The following DUT variants were observed in gnomAD, a reference collection of about 807,000 sequenced individuals.
DUT encodes the protein deoxyuridine 5'-triphosphate nucleotidohydrolase, mitochondrial.
DUT carries 21 observed loss-of-function variants against 28.8 expected under a neutral mutation model. That is an observed-to-expected ratio of 0.73 (90% confidence interval 0.52 to 1.05). The LOEUF (loss-of-function observed/expected upper bound fraction) is 1.05, where lower values mean the gene tolerates loss of function less well. DUT is among the 50% of genes least tolerant of loss of function. The pLI, the probability that DUT is intolerant of heterozygous loss-of-function variation, is 0.00. For missense variants in DUT, 344 were observed against 351.8 expected, an observed-to-expected ratio of 0.98 and a Z score of 0.18; for synonymous variants, 147 against 143.7, an observed-to-expected ratio of 1.02 and a Z score of -0.17.
Position 48,332,303 on chromosome 15 carries a change from C to G in DUT, c.316C>G (p.Pro106Ala). The change falls in exon 2 of 7, where the codon CCT becomes GCT. Residue 106 changes from proline (P) to alanine (A), a missense_variant. Transcript: ENST00000331200. ...CATTTCACCCAGTAAGCGGGCCCGG[C>G]CTGCGGAGGTGGGCGGCATGCAGCT... ...PAISPSKRAR[P>A]AEVGGMQLRF... 1 of 1,609,008 alleles carries G rather than the reference C, an allele frequency of 6.2e-7. No homozygotes were observed. Among genetic ancestry groups the G allele is most frequent in the Non-Finnish European group, 8.5e-7 (1 of 1,178,468 alleles).
chr15:48,342,085 T>C lies in DUT; in HGVS notation c.*7T>C. 6.5e-7 allele frequency: 1 copy of C among 1,549,140 alleles called. No homozygotes were observed. Among genetic ancestry groups the C allele is most frequent in the Non-Finnish European group, 8.7e-7 (1 of 1,152,992 alleles). ...TTCCACTGGAAAGAATTAAAATTTA[T>C]GCCAAGAACAGAAAACAAGAAGTCA... On this transcript the variant is annotated 3_prime_UTR_variant, in exon 7 of 7. Coordinates refer to ENST00000331200, the MANE Select transcript of DUT (RefSeq NM_001025248.2).
rs1485488531 is a variant in DUT, at chr15:48,342,575, TCTTCC to T, written c.*502_*506del. ...AGGAGAGATTAAAGGTATTCCTTGT[TCTTCC>T]CTTCTCTTCACTAGTCTAAAAACTT... On this transcript the variant is annotated 3_prime_UTR_variant, in exon 7 of 7. Coordinates refer to ENST00000331200, the MANE Select transcript of DUT (RefSeq NM_001025248.2). 1.3e-5 allele frequency: 2 copies of T among 152,238 alleles called. No homozygotes were observed. Among genetic ancestry groups the T allele is most frequent in the South Asian group, 2.1e-4 (1 of 4,824 alleles). 9.4% of individuals were successfully genotyped at this position (152,238 alleles called of 1,614,324 possible).
At chr15:48,341,475 G>A (rs1384588675) in intron 5 of DUT, 40 bp from the exon 6 acceptor site, 1 of 1,592,700 alleles carries the variant, frequency 6.3e-7, no homozygotes. Flanking sequence ...TATGGCGAAT[G>A]TGTCAGTAAC....
At chr15:48,332,509 A>G (rs2042429723) in intron 2 of DUT, 103 bp downstream of exon 2, 1 of 1,044,534 alleles carries the variant, frequency 9.6e-7, no homozygotes, top group Non-Finnish European at 1.4e-6. Context: ...CTAGCTATAA[A>G]TAGGATTTCT....
Position 48,331,624 on chromosome 15 carries a change from G to C in DUT, c.109G>C (p.Val37Leu). Residue 37 changes from valine to leucine, a missense_variant, in exon 1 of 7, where the codon GTA (valine) becomes CTA (leucine). Val to Leu is a conservative substitution (Grantham distance 32). Transcript: ENST00000331200. ...CGCACGGCAGAGGGCCGAAGCCGCG[G>C]TACTCTCCGGGCCAGGCCCGCCCCT... is the stretch of plus-strand genomic sequence containing the variant. ...RGARQRAEAAVLSGPGPPLGR... is the reference protein window; with the variant it reads ...RGARQRAEAALLSGPGPPLGR... 1 of 1,550,814 alleles carries C rather than the reference G, an allele frequency of 6.4e-7. No individual in the cohort carries two copies. Among genetic ancestry groups the C allele is most frequent in the Non-Finnish European group, 8.7e-7 (1 of 1,148,610 alleles).
chr15:48,336,162 A>G, intron 4 of DUT, 72 bp downstream of exon 4: 1 of 1,261,044 alleles, frequency 7.9e-7, no homozygotes, highest in Non-Finnish European at 1.1e-6. Context: ...TAATATTCAA[A>G]TGACAGATTT....
In DUT at chr15:48,332,326, G is replaced by A. The variant is rs1467727690; in HGVS notation, c.339G>A (p.Gln113=). The A allele has an allele frequency of 1.9e-6, 3 of 1,607,960 alleles. No individual in the cohort carries two copies. The highest frequency in any genetic ancestry group is 3.4e-5 in the Admixed American group (2 of 59,292). ...GGCCTGCGGAGGTGGGCGGCATGCA[G>A]CTCCGCTTTGCCCGGCTCTCCGAGC... ...RARPAEVGGM[Q]LRFARLSEHA... Residue 113 remains glutamine (Q), a synonymous_variant, in exon 2 of 7, where the codon CAG becomes CAA. Transcript: ENST00000331200.
chr15:48,332,339 C>G lies in DUT; in HGVS notation c.352C>G (p.Arg118Gly), dbSNP rs771224131. The G allele has an allele frequency of 4.4e-6, 7 of 1,606,930 alleles. No individual in the cohort carries two copies. Among genetic ancestry groups the G allele is most frequent in the Non-Finnish European group, 5.9e-6 (7 of 1,177,638 alleles). Residue 118 changes from arginine (R) to glycine (G), a missense_variant, in exon 2 of 7, where the codon CGG becomes GGG. Transcript: ENST00000331200. Reference protein sequence around the residue: ...EVGGMQLRFARLSEHATAPTR... With the variant: ...EVGGMQLRFAGLSEHATAPTR... Reference sequence around the variant, plus strand: ...GGGCGGCATGCAGCTCCGCTTTGCCCGGCTCTCCGAGCACGCCACGGCCCC... The same window carrying G: ...GGGCGGCATGCAGCTCCGCTTTGCCGGGCTCTCCGAGCACGCCACGGCCCC...
upstream of DUT, chr15:48,331,152 CAG>C: frequency 5.2e-6 from 7 of 1,356,168 alleles, no homozygotes; most frequent in South Asian, 1.7e-5. Context: ...CCGCTAAACT[CAG>C]AGCCCGGGAG....
intron 1 of DUT, 109 bp from the exon 2 acceptor site, chr15:48,332,159 G>C: frequency 7.0e-7 from 1 of 1,438,120 alleles, no homozygotes; most frequent in Non-Finnish European, 9.1e-7. Flanking sequence ...GGGCTGGCGG[G>C]AAATTTCGGT....
intron 4 of DUT, among the ~76,000 whole-genome samples, chr15:48,338,822 G>C (rs1470557692): frequency 6.6e-5 from 10 of 152,192 alleles, no homozygotes; most frequent in Non-Finnish European, 1.5e-5. Flanking sequence ...CTGATATTAT[G>C]CAAGAGAATA....
intron 2 of DUT, chr15:48,332,656 C>A: frequency 1.5e-6 from 1 of 672,022 alleles, no homozygotes; most frequent in East Asian, 2.9e-5. Flanking sequence ...TTGTGCCCTT[C>A]CTAAATAGAA....
chr15:48,332,041 A>G (rs2042419082), intron 1 of DUT: 2 of 1,083,180 alleles, frequency 1.8e-6, no homozygotes, highest in Non-Finnish European at 1.2e-6. Flanking sequence ...GTAGTTTCCC[A>G]TCCCAAACCT....
intron 4 of DUT, among the ~76,000 whole-genome samples, chr15:48,338,175 T>A (rs1597483530): frequency 6.6e-6 from 1 of 152,224 alleles, no homozygotes; most frequent in East Asian, 1.9e-4. Context: ...GAAATTTTTA[T>A]ACCGTCAACA....
intron 4 of DUT, among the ~76,000 whole-genome samples, chr15:48,339,010 T>C (rs1470259049): frequency 1.3e-5 from 2 of 151,916 alleles, no homozygotes; most frequent in African/African-American, 4.8e-5. Flanking sequence ...GGTGGTGCCT[T>C]TGTACCTGGA....
intron 2 of DUT, chr15:48,332,712 A>T (rs1471029056): frequency 1.7e-6 from 1 of 588,534 alleles, no homozygotes. Flanking sequence ...CCCGAGGGTG[A>T]TGCTGTGCTC....
intron 4 of DUT, among the ~76,000 whole-genome samples, chr15:48,338,462 A>G (rs890254689): frequency 6.6e-6 from 1 of 152,218 alleles, no homozygotes; most frequent in Non-Finnish European, 1.5e-5. Context: ...TGCAACTTAT[A>G]TGAAAAAGAA....
At chr15:48,332,100 C>G in intron 1 of DUT, 168 bp from the exon 2 acceptor site, 1 of 1,356,440 alleles carries the variant, frequency 7.4e-7, no homozygotes, top group Non-Finnish European at 9.5e-7. Context: ...CGCCTCCCCT[C>G]TCAGCCAGAA....
Position 48,332,251 on chromosome 15 carries a change from C to T in DUT, c.281-17C>T. ...CTCCTCGCTCGCCTTCTGGCTCTGC[C>T]ATGCCCTGCTCTGAAGAGACACCCG... On this transcript the variant is annotated splice_polypyrimidine_tract_variant and intron_variant, in intron 1 of 6. Coordinates refer to ENST00000331200, the MANE Select transcript of DUT (RefSeq NM_001025248.2). 6.3e-7 allele frequency: 1 copy of T among 1,599,192 alleles called. No homozygotes were observed. The highest frequency in any genetic ancestry group is 8.5e-7 in the Non-Finnish European group (1 of 1,174,708).
Sources: allele counts gnomAD v4.1 joint callset (sites outside exome capture counted in the v4.1 genomes callset), GRCh38; gene constraint gnomAD v4.1.1; transcripts MANE v1.5; gene names NCBI Gene and HGNC (gene_info 2026-07-23, HGNC 2026-07-21).